PLEKHG3: variants seen among roughly 807,000 people sequenced by gnomAD.
PLEKHG3 encodes pleckstrin homology and RhoGEF domain containing G3, also known as pleckstrin homology domain-containing family G member 3.
PLEKHG3 carries 62 observed loss-of-function variants against 94.9 expected under a neutral mutation model. The ratio of observed to expected loss-of-function variants is 0.65; its 90% CI spans 0.53 to 0.81. PLEKHG3 has a LOEUF of 0.81. PLEKHG3 is among the 30% of genes least tolerant of loss of function. The probability of loss-of-function intolerance (pLI) is 0.00; values close to 1 mark genes in which losing one functional copy is unlikely to be tolerated. For missense variants in PLEKHG3, 1,461 were observed against 1,619.3 expected, an observed-to-expected ratio of 0.90 and a Z score of 1.68; for synonymous variants, 614 against 654.0, an observed-to-expected ratio of 0.94 and a Z score of 0.93.
At position 64,726,126 on chromosome 14, in the gene PLEKHG3, T is replaced by C. The variant is rs1385732511; in HGVS notation, c.-39-1467T>C. Among the ~76,000 whole-genome samples the C allele has an allele frequency of 6.6e-6, 1 of 151,966 alleles. No homozygotes were observed. The highest frequency in any genetic ancestry group is 1.5e-5 in the Non-Finnish European group (1 of 68,000). ...GATGTAAATTACATAGGTTGGGGGA[T>C]GGTACTGTATGGGGTGGATGGGGAC... is the stretch of plus-strand genomic sequence containing the variant. On this transcript the variant is annotated intron_variant, in intron 1 of 16. Transcript: ENST00000247226. The surrounding 1 kb of genome is among the most constrained non-coding windows in gnomAD (Gnocchi z 5.1).
chr14:64,716,487 CACACACACA>C lies in PLEKHG3; in HGVS notation c.-39-11096_-39-11088del, dbSNP rs1242318599. Among the ~76,000 whole-genome samples, 77 of 123,950 alleles carry C rather than the reference CACACACACA, an allele frequency of 6.2e-4. No homozygotes were observed. The highest frequency in any genetic ancestry group is 1.7e-3 in the African/African-American group (54 of 31,736). The allele number at this position is 123,950 out of a possible 152,430, so 81.3% of individuals were successfully genotyped here. A position where few individuals can be genotyped will look rare whatever the true frequency, so the allele number is the denominator to read the frequency against. ...ACACAACACACACACACACAACACA[CACACACACA>C]ACACACACACACACACACACACACA... is the stretch of plus-strand genomic sequence containing the variant. On this transcript the variant is annotated intron_variant, in intron 1 of 16. Coordinates refer to ENST00000247226, the MANE Select transcript of PLEKHG3 (RefSeq NM_001308147.2). The surrounding 1 kb of genome is among the most constrained non-coding windows in gnomAD (Gnocchi z 5.0).
rs770955432 is a variant in PLEKHG3 at position 64,743,630 on chromosome 14, C to T, written c.3587C>T (p.Pro1196Leu). 7.4e-6 allele frequency: 12 copies of T among 1,611,728 alleles called. No homozygotes were observed. The highest frequency in any genetic ancestry group is 1.3e-5 in the African/African-American group (1 of 74,912). ...CQPKEEGSRD[P>L]ADPSQQGRVR... ...CCGAAGGAAGAGGGTTCCAGGGACC[C>T]GGCAGACCCGAGCCAGCAGGGCAGA... The change falls in exon 17 of 17, where the codon CCG (proline) becomes CTG (leucine). Residue 1196 changes from proline to leucine, a missense_variant. This residue lies in a region of PLEKHG3 where 1,201 missense variants were observed against 1,295.5 expected (regional missense o/e 0.93). Coordinates refer to ENST00000247226, the MANE Select transcript of PLEKHG3 (RefSeq NM_001308147.2). This position sits in a 1 kb window ranked among gnomAD's most constrained non-coding sequence, Gnocchi z 7.2.
Position 64,732,345 on chromosome 14 carries a change from C to A in PLEKHG3, c.1213-82C>A. On this transcript the variant is annotated intron_variant, in intron 10 of 16. Coordinates refer to ENST00000247226, the MANE Select transcript of PLEKHG3 (RefSeq NM_001308147.2). This position sits in a 1 kb window ranked among gnomAD's most constrained non-coding sequence, Gnocchi z 4.9. ...TTGGTGCAGCACTGTGGGGTGTCCT[C>A]GTACAGCAACAGTGGGTCCTATGGG... 7.3e-7 allele frequency: 1 copy of A among 1,365,078 alleles called. No individual in the cohort carries two copies. The highest frequency in any genetic ancestry group is 1.0e-6 in the Non-Finnish European group (1 of 953,758). The allele number at this position is 1,365,078 out of a possible 1,614,324, so 84.6% of individuals were successfully genotyped here. A position where few individuals can be genotyped will look rare whatever the true frequency, so the allele number is the denominator to read the frequency against.
intron 15 of PLEKHG3, 146 bp from the exon 16 acceptor site, chr14:64,740,890 C>T (rs957741898): frequency 8.3e-5 from 53 of 639,614 alleles, no homozygotes; most frequent in African/African-American, 8.1e-4. Flanking sequence ...ATCACCTACT[C>T]CTAAGTCGTG....
At chr14:64,706,237 A>C (rs1366530399) in intron 1 of PLEKHG3, among the ~76,000 whole-genome samples, 2 of 152,164 alleles carry the variant, frequency 1.3e-5, no homozygotes, top group Non-Finnish European at 2.9e-5. Context: ...GAAGAGTGCG[A>C]GTCACTTGGG....
chr14:64,733,739 C>T (rs1182666240), intron 12 of PLEKHG3, among the ~76,000 whole-genome samples: 2 of 152,258 alleles, frequency 1.3e-5, no homozygotes, highest in African/African-American at 4.8e-5. Context: ...AGTTTTCTTC[C>T]ATTCCTGGAC....
intron 1 of PLEKHG3, among the ~76,000 whole-genome samples, chr14:64,724,662 T>G (rs2081321532): frequency 6.6e-6 from 1 of 152,252 alleles, no homozygotes; most frequent in East Asian, 1.9e-4. Flanking sequence ...TGTCATGTCA[T>G]AAGCCCCAAT....
rs78927418 is a variant in PLEKHG3 at position 64,704,979 on chromosome 14, C to A, written c.-40+275C>A. On this transcript the variant is annotated intron_variant, in intron 1 of 16. Coordinates refer to ENST00000247226, the MANE Select transcript of PLEKHG3 (RefSeq NM_001308147.2). The surrounding 1 kb of genome is among the most constrained non-coding windows in gnomAD (Gnocchi z 5.6). The stretch of plus-strand genomic sequence containing the variant: ...CCGGAAACAAAAGGGGCAAATGCGC[C>A]GGGCGGCTCCAGAGAGGCTCAGTTT... Among the ~76,000 whole-genome samples the A allele has an allele frequency of 0.023, 3,458 of 152,282 alleles. 123 individuals are homozygous for A. Among genetic ancestry groups the A allele is most frequent in the African/African-American group, 0.079 (3,296 of 41,558 alleles).
rs750634381 is a variant in PLEKHG3 at position 64,749,432 on chromosome 14, G to T, written c.*5729G>T. 4.9e-5 allele frequency: 78 copies of T among 1,604,554 alleles called. No individual in the cohort carries two copies. Among genetic ancestry groups the T allele is most frequent in the Non-Finnish European group, 6.4e-5 (76 of 1,179,206 alleles). On this transcript the variant is annotated 3_prime_UTR_variant, in exon 17 of 17. Coordinates refer to ENST00000247226, the MANE Select transcript of PLEKHG3 (RefSeq NM_001308147.2). The surrounding 1 kb of genome is among the most constrained non-coding windows in gnomAD (Gnocchi z 4.7). ...TGACGCGGATGCTCTGGGACTCGTTGATGGCGGTGCTCACGCCCTGCAGCC... is the reference window on the plus strand; with the variant it reads ...TGACGCGGATGCTCTGGGACTCGTTTATGGCGGTGCTCACGCCCTGCAGCC...
At position 64,738,810 on chromosome 14, in the gene PLEKHG3, TA is replaced by T; in HGVS notation, c.1474del (p.Thr492LeufsTer5). ...RRPSGRSPTS[T>X]EKRMSFESIS... ...GGCCCAGTGGCCGGTCTCCAACCAGTACTGAGAAGCGCATGAGCTTCGAGTC... is the reference window on the plus strand; with the variant it reads ...GGCCCAGTGGCCGGTCTCCAACCAGTCTGAGAAGCGCATGAGCTTCGAGTC... On this transcript the variant is annotated frameshift_variant, in exon 15 of 17. Coordinates refer to ENST00000247226, the MANE Select transcript of PLEKHG3 (RefSeq NM_001308147.2). LOFTEE classifies it high-confidence loss of function. The surrounding 1 kb of genome is among the most constrained non-coding windows in gnomAD (Gnocchi z 4.8). 2 of 1,599,764 alleles carry T rather than the reference TA, an allele frequency of 1.3e-6. No homozygotes were observed. Among genetic ancestry groups the T allele is most frequent in the Admixed American group, 1.7e-5 (1 of 58,546 alleles).
rs2081433843 is a variant in PLEKHG3 at position 64,730,262 on chromosome 14, G to T, written c.469G>T (p.Asp157Tyr). The change falls in exon 4 of 17, where the codon GAC (aspartate) becomes TAC (tyrosine). Residue 157 changes from aspartate (D) to tyrosine (Y), a missense_variant. This residue lies in a region of PLEKHG3 where 253 missense variants were observed against 297.8 expected (regional missense o/e 0.85). Coordinates refer to ENST00000247226, the MANE Select transcript of PLEKHG3 (RefSeq NM_001308147.2). The surrounding 1 kb of genome is among the most constrained non-coding windows in gnomAD (Gnocchi z 5.4). ...ALNSQLLRDL[D>Y]SCNSDPVAVA... ...ACCCAGCCAGCTCCTCAGAGACCTG[G>T]ACAGCTGCAATAGTGACCCCGTGGC... The T allele has an allele frequency of 1.3e-6, 2 of 1,534,626 alleles. No homozygotes were observed. Among genetic ancestry groups the T allele is most frequent in the Non-Finnish European group, 1.7e-6 (2 of 1,145,636 alleles).
In PLEKHG3 at chr14:64,717,161, T is replaced by A. The variant is rs1274489338; in HGVS notation, c.-39-10432T>A. On this transcript the variant is annotated intron_variant, in intron 1 of 16. Transcript: ENST00000247226. This position sits in a 1 kb window ranked among gnomAD's most constrained non-coding sequence, Gnocchi z 4.7. Reference sequence around the variant, plus strand: ...TGTGTGTGTGTGTGAGTCCATAAGGTCTGCTTTGGAAAATCCACTTTCCTA... The same window carrying A: ...TGTGTGTGTGTGTGAGTCCATAAGGACTGCTTTGGAAAATCCACTTTCCTA... Among the ~76,000 whole-genome samples, 1 of 148,866 alleles carries A rather than the reference T, an allele frequency of 6.7e-6. No individual in the cohort carries two copies. The highest frequency in any genetic ancestry group is 2.5e-5 in the African/African-American group (1 of 40,020).
At position 64,732,929 on chromosome 14, in the gene PLEKHG3, G is replaced by A. The variant is rs373894456; in HGVS notation, c.1345+28G>A. 6 of 1,423,564 alleles carry A rather than the reference G, an allele frequency of 4.2e-6. No homozygotes were observed. Among genetic ancestry groups the A allele is most frequent in the African/African-American group, 1.4e-5 (1 of 71,538 alleles). The allele number at this position is 1,423,564 out of a possible 1,614,324, so 88.2% of individuals were successfully genotyped here. A position where few individuals can be genotyped will look rare whatever the true frequency, so the allele number is the denominator to read the frequency against. On this transcript the variant is annotated intron_variant, in intron 12 of 16. Transcript: ENST00000247226. The surrounding 1 kb of genome is among the most constrained non-coding windows in gnomAD (Gnocchi z 4.9). ...AAGAGAAGGGCTGTGGAGGCAGGAG[G>A]CCTCTCCCTCACACCCTTGCCCAGA...
chr14:64,721,756 C>G lies in PLEKHG3; in HGVS notation c.-39-5837C>G, dbSNP rs549529079. Among the ~76,000 whole-genome samples, 2 of 152,084 alleles carry G rather than the reference C, an allele frequency of 1.3e-5. No homozygotes were observed. Among genetic ancestry groups the G allele is most frequent in the African/African-American group, 2.4e-5 (1 of 41,432 alleles). ...GTGAGGAAACTGCTGGGAAAGGGGG[C>G]AAGGGTCCCCTAGGAGGGGGTCCTC... On this transcript the variant is annotated intron_variant, in intron 1 of 16. Coordinates refer to ENST00000247226, the MANE Select transcript of PLEKHG3 (RefSeq NM_001308147.2). This position sits in a 1 kb window ranked among gnomAD's most constrained non-coding sequence, Gnocchi z 4.3.
Position 64,731,027 on chromosome 14 carries a change from C to T in PLEKHG3, c.718-11C>T. ...GGGTCAGGGGCACCTAAGCGTCTAT[C>T]TTCTGCGCAGGAAATTGCCAAGCAT... On this transcript the variant is annotated splice_polypyrimidine_tract_variant and intron_variant, in intron 6 of 16. Coordinates refer to ENST00000247226, the MANE Select transcript of PLEKHG3 (RefSeq NM_001308147.2). The surrounding 1 kb of genome is among the most constrained non-coding windows in gnomAD (Gnocchi z 6.1). 2 of 1,614,052 alleles carry T rather than the reference C, an allele frequency of 1.2e-6. No individual in the cohort carries two copies. The highest frequency in any genetic ancestry group is 1.1e-5 in the South Asian group (1 of 91,084).
chr14:64,740,872 A>G (rs754785914), intron 15 of PLEKHG3, among the ~76,000 whole-genome samples, 164 bp from the exon 16 acceptor site: 2 of 152,166 alleles, frequency 1.3e-5, no homozygotes, highest in Non-Finnish European at 2.9e-5. Flanking sequence ...ATGTTCCTCT[A>G]AGGACCCATC....
At chr14:64,737,912 T>A in intron 14 of PLEKHG3, 1 of 1,214,622 alleles carries the variant, frequency 8.2e-7, no homozygotes, top group South Asian at 1.5e-5. Flanking sequence ...CCTCCCGTAC[T>A]CGGGGCCTGC....
intron 15 of PLEKHG3, 98 bp from the exon 16 acceptor site, chr14:64,740,938 C>T: frequency 1.0e-6 from 1 of 986,760 alleles, no homozygotes; most frequent in Non-Finnish European, 1.5e-6. Context: ...CTACAGGTCC[C>T]TGTCATTGGG....
rs1318222811 is a variant in PLEKHG3, at chr14:64,716,463, CACAA to C, written c.-39-11129_-39-11126del. Among the ~76,000 whole-genome samples the C allele has an allele frequency of 6.9e-5, 8 of 115,742 alleles. No individual in the cohort carries two copies. The highest frequency in any genetic ancestry group is 1.1e-4 in the Non-Finnish European group (6 of 52,360). 75.9% of individuals were successfully genotyped at this position (115,742 alleles called of 152,430 possible). ...ACACACACACACACACACACACACA[CACAA>C]CACACACACACACAACACACACACA... On this transcript the variant is annotated intron_variant, in intron 1 of 16. Coordinates refer to ENST00000247226, the MANE Select transcript of PLEKHG3 (RefSeq NM_001308147.2). This position sits in a 1 kb window ranked among gnomAD's most constrained non-coding sequence, Gnocchi z 5.0.
Sources: allele counts gnomAD v4.1 joint callset (sites outside exome capture counted in the v4.1 genomes callset), GRCh38; gene constraint gnomAD v4.1.1; regional missense constraint gnomAD v4.1.1; non-coding constraint Gnocchi (gnomAD v3.1); transcripts MANE v1.5; gene names NCBI Gene and HGNC (gene_info 2026-07-23, HGNC 2026-07-21).